SLC27A1: variants seen among roughly 807,000 people sequenced by gnomAD.
The protein encoded by SLC27A1 is long-chain fatty acid transport protein 1.
In SLC27A1, 61 loss-of-function variants were observed where a neutral mutation model predicts 62.2. That is an observed-to-expected ratio of 0.98 (90% CI 0.80 to 1.21). The LOEUF is 1.21. Ranked by LOEUF, SLC27A1 falls within the 50% of genes most tolerant of loss-of-function variation. SLC27A1 has a pLI of 0.00. For synonymous variants in SLC27A1, 435 were observed against 408.6 expected (o/e 1.06, Z -0.78); for missense variants, 903 against 932.1 (o/e 0.97, Z 0.41).
chr19:17,504,488 G>A lies in SLC27A1; in HGVS notation c.1817G>A (p.Arg606Gln), dbSNP rs551097444. 60 of 1,614,174 alleles carry A rather than the reference G, an allele frequency of 3.7e-5. No homozygotes were observed. In the South Asian group the frequency reaches 5.5e-4, roughly 15 times the overall value. ...TFKIQKTRLQ[R>Q]EGFDPRQTSD... is the part of the protein sequence containing the mutation. ...AAGATCCAGAAGACGAGGCTGCAGCGAGAGGGCTTTGACCCACGCCAGACC... is the reference window on the plus strand; with the variant it reads ...AAGATCCAGAAGACGAGGCTGCAGCAAGAGGGCTTTGACCCACGCCAGACC... The change falls in exon 12 of 12, where the codon CGA becomes CAA. Residue 606 changes from arginine (R) to glutamine (Q), a missense_variant. By Grantham distance (43) the Arg-to-Gln change is conservative. Coordinates refer to ENST00000252595, the MANE Select transcript of SLC27A1 (RefSeq NM_198580.3).
At chr19:17,500,049 G>A (rs1568423924) in intron 7 of SLC27A1, 8 of 615,906 alleles carry the variant, frequency 1.3e-5, no homozygotes, top group Non-Finnish European at 1.3e-5. Flanking sequence ...GGAAGTGGGT[G>A]CCAGCCAGAG....
chr19:17,490,459 T>C (rs1252163883), intron 6 of SLC27A1, among the ~76,000 whole-genome samples: 2 of 149,088 alleles, frequency 1.3e-5, no homozygotes, highest in Admixed American at 6.7e-5. Context: ...CAGCCCAAAA[T>C]TATCTTTTAA....
At chr19:17,493,058 G>A (rs2075310570) in intron 6 of SLC27A1, among the ~76,000 whole-genome samples, 2 of 151,612 alleles carry the variant, frequency 1.3e-5, no homozygotes, top group African/African-American at 4.8e-5. Context: ...AGGAGGTGGA[G>A]GTTGCAGTGA....
At chr19:17,487,020 A>C (rs1419666994) in intron 2 of SLC27A1, 63 bp downstream of exon 2, 4 of 1,538,448 alleles carry the variant, frequency 2.6e-6, no homozygotes, top group Non-Finnish European at 3.5e-6. Flanking sequence ...GCGGGCGGGG[A>C]GATGCTGCGC....
intron 1 of SLC27A1, among the ~76,000 whole-genome samples, chr19:17,482,477 C>A (rs1599647299): frequency 6.6e-6 from 1 of 151,878 alleles, no homozygotes; most frequent in East Asian, 1.9e-4. Context: ...ATGGTGAAAC[C>A]CCGTCTCTAC....
intron 11 of SLC27A1, among the ~76,000 whole-genome samples, chr19:17,504,033 C>T (rs79481090): frequency 0.018 from 2,700 of 151,840 alleles, 77 homozygotes; most frequent in African/African-American, 0.06. Context: ...GACCCTCCTG[C>T]CTTGGCGTCC....
chr19:17,469,711 G>T (rs2075054507), upstream of SLC27A1, among the ~76,000 whole-genome samples: 1 of 152,146 alleles, frequency 6.6e-6, no homozygotes, highest in South Asian at 2.1e-4. Context: ...GAGGGAAGAG[G>T]GGCGGGGCCT....
At chr19:17,500,215 A>G in intron 7 of SLC27A1, 63 bp from the exon 8 acceptor site, 1 of 1,578,782 alleles carries the variant, frequency 6.3e-7, no homozygotes. Context: ...AGGCAGGCAA[A>G]GTGTTACTGA....
chr19:17,500,188 G>A, intron 7 of SLC27A1, 90 bp from the exon 8 acceptor site: 2 of 1,551,518 alleles, frequency 1.3e-6, no homozygotes, highest in East Asian at 2.3e-5. Flanking sequence ...GAGGTGCTAG[G>A]TCCAAGCCCC....
At chr19:17,475,040 G>A (rs11667132) in intron 1 of SLC27A1, among the ~76,000 whole-genome samples, 49,752 of 151,544 alleles carry the variant, frequency 0.33, 8,498 homozygotes, top group South Asian at 0.38. Context: ...TCAGCCTCCC[G>A]AGTAGCTGGG....
rs1351605971 is a variant in SLC27A1 at position 17,487,557 on chromosome 19, C to T, written c.794+28C>T. 1.4e-5 allele frequency: 23 copies of T among 1,605,122 alleles called. No individual in the cohort carries two copies. In the Admixed American group the frequency reaches 3.9e-4, roughly 27 times the overall value. ...GAGGGGCCCACAGGCATAATGCCCTCAGCCGCTGAGAGTGACCCAGGCTAT... is the reference window on the plus strand; with the variant it reads ...GAGGGGCCCACAGGCATAATGCCCTTAGCCGCTGAGAGTGACCCAGGCTAT... On this transcript the variant is annotated intron_variant, in intron 4 of 11. Transcript: ENST00000252595.
At chr19:17,487,581 A>G (rs374901109) in intron 4 of SLC27A1, 52 bp downstream of exon 4, 21 of 1,568,848 alleles carry the variant, frequency 1.3e-5, no homozygotes, top group Non-Finnish European at 1.7e-5. Flanking sequence ...GACCCAGGCT[A>G]TCTTGCCAGC....
At position 17,479,206 on chromosome 19, in the gene SLC27A1, G is replaced by A. The variant is rs375911214; in HGVS notation, c.168-7357G>A. 1.0e-3 allele frequency among the ~76,000 whole-genome samples: 152 copies of A among 152,246 alleles called. 2 individuals are homozygous for A. The South Asian group carries it at 0.031, about 31-fold the overall frequency. On this transcript the variant is annotated intron_variant, in intron 1 of 11. Transcript: ENST00000252595. ...GGATCACCTGAGGCCAGAAGTTCAAGACCAGCCTGGCCAACAAAATGAGAT... is the reference window on the plus strand; with the variant it reads ...GGATCACCTGAGGCCAGAAGTTCAAAACCAGCCTGGCCAACAAAATGAGAT...
chr19:17,500,760 G>A lies in SLC27A1; in HGVS notation c.1520G>A (p.Arg507His), dbSNP rs886598213. The A allele has an allele frequency of 2.5e-6, 4 of 1,613,610 alleles. No individual in the cohort carries two copies. The highest frequency in any genetic ancestry group is 1.3e-5 in the African/African-American group (1 of 74,938). ...DELGYMYFRD[R>H]SGDTFRWRGE... Reference sequence around the variant, plus strand: ...CTGGGCTACATGTACTTCCGGGACCGTAGCGGGGACACCTTCCGCTGGCGA... The same window carrying A: ...CTGGGCTACATGTACTTCCGGGACCATAGCGGGGACACCTTCCGCTGGCGA... The change falls in exon 10 of 12, where the codon CGT becomes CAT. Residue 507 changes from arginine to histidine, a missense_variant. By Grantham distance (29) the Arg-to-His change is conservative (BLOSUM62 0). Transcript: ENST00000252595.
At chr19:17,497,623 C>G (rs779278027) in intron 7 of SLC27A1, 159 bp downstream of exon 7, 1 of 681,654 alleles carries the variant, frequency 1.5e-6, no homozygotes, top group African/African-American at 1.8e-5. Context: ...TCCTGGGACT[C>G]CCGGTGCACC....
Position 17,504,647 on chromosome 19 carries a change from G to T in SLC27A1, c.*35G>T, listed in dbSNP as rs745733812. On this transcript the variant is annotated 3_prime_UTR_variant, in exon 12 of 12. Transcript: ENST00000252595. Reference sequence around the variant, plus strand: ...TCTACTGGCCACAAACTCTGGGCCTGGTGGGAGAGGCCAGCTTGAGCCAGA... The same window carrying T: ...TCTACTGGCCACAAACTCTGGGCCTTGTGGGAGAGGCCAGCTTGAGCCAGA... 3.1e-6 allele frequency: 5 copies of T among 1,612,990 alleles called. No individual in the cohort carries two copies. The Admixed American group carries it at 8.3e-5, about 27-fold the overall frequency.
chr19:17,500,261 A>G lies in SLC27A1; in HGVS notation c.1207-17A>G, dbSNP rs202215279. ...GCATATCCCCGGCTCCTTCCAACTC[A>G]GTTCACCCCATTCCAGGTCGGCTCC... On this transcript the variant is annotated splice_polypyrimidine_tract_variant and intron_variant, in intron 7 of 11. Coordinates refer to ENST00000252595, the MANE Select transcript of SLC27A1 (RefSeq NM_198580.3). 7.4e-6 allele frequency: 12 copies of G among 1,612,068 alleles called. No homozygotes were observed. Among genetic ancestry groups the G allele is most frequent in the Admixed American group, 3.4e-5 (2 of 59,578 alleles).
chr19:17,488,691 A>T, intron 4 of SLC27A1, 157 bp from the exon 5 acceptor site: 1 of 651,960 alleles, frequency 1.5e-6, no homozygotes, highest in South Asian at 1.8e-5. Context: ...AACACCACCA[A>T]CAATTGTTGG....
At position 17,488,859 on chromosome 19, in the gene SLC27A1, T is replaced by G; in HGVS notation, c.806T>G (p.Met269Arg). The G allele has an allele frequency of 6.2e-7, 1 of 1,613,752 alleles. No individual in the cohort carries two copies. Among genetic ancestry groups the G allele is most frequent in the Non-Finnish European group, 8.5e-7 (1 of 1,179,950 alleles). Residue 269 changes from methionine to arginine, a missense_variant, in exon 5 of 12, where the codon ATG becomes AGG. Met to Arg is a moderately conservative substitution (Grantham distance 91). Coordinates refer to ENST00000252595, the MANE Select transcript of SLC27A1 (RefSeq NM_198580.3). Reference protein sequence around the residue: ...AIVVHSRYYRMAAFGHHAYRM... With the variant: ...AIVVHSRYYRRAAFGHHAYRM... Reference sequence around the variant, plus strand: ...CCCTCCCCCTGCAGGTACTACCGCATGGCAGCCTTCGGCCACCACGCCTAC... The same window carrying G: ...CCCTCCCCCTGCAGGTACTACCGCAGGGCAGCCTTCGGCCACCACGCCTAC...
Sources: allele counts gnomAD v4.1 joint callset (sites outside exome capture counted in the v4.1 genomes callset), GRCh38; gene constraint gnomAD v4.1.1; transcripts MANE v1.5; gene names NCBI Gene and HGNC (gene_info 2026-07-23, HGNC 2026-07-21).